Variants in JMY observed in about 807,000 individuals in gnomAD.
JMY encodes junction-mediating and -regulatory protein.
Under a neutral mutation model 103.3 loss-of-function variants are expected in JMY, and 46 were observed. That is an observed-to-expected ratio of 0.45 (90% confidence interval 0.35 to 0.57). The LOEUF is 0.57. Among genes scored for constraint, JMY ranks in the 20% least tolerant of loss-of-function variants. The pLI is 0.00. For synonymous variants in JMY, 526 were observed against 489.3 expected, an observed-to-expected ratio of 1.07 and a Z score of -0.99; for missense variants, 1,238 against 1,255.2, an observed-to-expected ratio of 0.99 and a Z score of 0.21.
intron 1 of JMY, among the ~76,000 whole-genome samples, chr5:79,262,812 G>T (rs2607141): frequency 0.47 from 71,300 of 151,992 alleles, 17,332 homozygotes; most frequent in African/African-American, 0.61. Context: ...AAAAAGCATG[G>T]TGGAAATAAT....
At chr5:79,317,560 T>G (rs1747277322) in intron 10 of JMY, among the ~76,000 whole-genome samples, 1 of 152,232 alleles carries the variant, frequency 6.6e-6, no homozygotes, top group Admixed American at 6.5e-5. Flanking sequence ...CATGTTCTAT[T>G]AATTATTATT....
At chr5:79,315,921 C>G (rs527544722) in intron 9 of JMY, 79 bp from the exon 10 acceptor site, 3 of 1,244,910 alleles carry the variant, frequency 2.4e-6, no homozygotes, top group Non-Finnish European at 3.4e-6. Context: ...TTCACAGTTG[C>G]GAACGGTAGA....
intron 1 of JMY, among the ~76,000 whole-genome samples, chr5:79,242,205 A>G (rs763982780): frequency 2.0e-4 from 30 of 151,822 alleles, no homozygotes; most frequent in Non-Finnish European, 3.7e-4. Flanking sequence ...AAGCCACATA[A>G]TAAATAGCCT....
chr5:79,325,045 T>G lies in JMY; in HGVS notation c.*3443T>G, dbSNP rs1314850226. The G allele has an allele frequency of 6.6e-6, 1 of 152,576 alleles. No homozygotes were observed. Among genetic ancestry groups the G allele is most frequent in the Non-Finnish European group, 1.5e-5 (1 of 68,012 alleles). 9.5% of individuals were successfully genotyped at this position (152,576 alleles called of 1,614,324 possible). On this transcript the variant is annotated 3_prime_UTR_variant, in exon 11 of 11. Transcript: ENST00000396137. Reference sequence around the variant, plus strand: ...GACACTAAGAATTAAAACTCTTAAATCAGTGAAACAAAAACTAATGGGCAG... The same window carrying G: ...GACACTAAGAATTAAAACTCTTAAAGCAGTGAAACAAAAACTAATGGGCAG...
At chr5:79,252,294 C>CTA (rs1013828768) in intron 1 of JMY, among the ~76,000 whole-genome samples, 1 of 137,148 alleles carries the variant, frequency 7.3e-6, no homozygotes, top group African/African-American at 2.7e-5. Flanking sequence ...TTAGTGATTT[C>CTA]TAGTTTATCT....
chr5:79,316,193 C>G lies in JMY; in HGVS notation c.2853C>G (p.Pro951=). Residue 951 remains proline, a synonymous_variant, in exon 10 of 11, where the codon CCC becomes CCG. Coordinates refer to ENST00000396137, the MANE Select transcript of JMY (RefSeq NM_152405.5). ...TGAGAGAATCCTTCACACTTCTACC[C>G]GATACAGACCCTCTAACACGGAGCA... ...DVLRESFTLL[P]DTDPLTRSIH... The G allele has an allele frequency of 6.2e-7, 1 of 1,613,954 alleles. No individual in the cohort carries two copies.
intron 1 of JMY, among the ~76,000 whole-genome samples, chr5:79,241,311 AT>A (rs1052643620): frequency 7.2e-5 from 11 of 152,332 alleles, no homozygotes; most frequent in African/African-American, 2.6e-4. Flanking sequence ...TAATTAGTGG[AT>A]AAAGGAAACT....
intron 1 of JMY, among the ~76,000 whole-genome samples, chr5:79,274,644 G>T (rs889080934): frequency 6.6e-6 from 1 of 152,162 alleles, no homozygotes; most frequent in African/African-American, 2.4e-5. Flanking sequence ...GACCTCAAGT[G>T]ATCTGCCTGC....
chr5:79,313,619 CTT>C (rs763562112), intron 8 of JMY, among the ~76,000 whole-genome samples: 1 of 152,074 alleles, frequency 6.6e-6, no homozygotes, highest in Non-Finnish European at 1.5e-5. Context: ...ACATAGGAAA[CTT>C]TTTGCATACC....
At position 79,237,233 on chromosome 5, in the gene JMY, G is replaced by T; in HGVS notation, c.583G>T (p.Val195Leu). 1.3e-6 allele frequency: 2 copies of T among 1,550,700 alleles called. No individual in the cohort carries two copies. The highest frequency in any genetic ancestry group is 1.7e-6 in the Non-Finnish European group (2 of 1,146,966). The change falls in exon 1 of 11, where the codon GTG (valine) becomes TTG (leucine). Residue 195 changes from valine (V) to leucine (L), a missense_variant. Val to Leu is a conservative substitution (Grantham distance 32, BLOSUM62 1). Coordinates refer to ENST00000396137, the MANE Select transcript of JMY (RefSeq NM_152405.5). ...TGGGACGGTCTCCGAGGAGATAGAG[G>T]TGCTGGAAATGGTGAAGGAGGACGA... is the stretch of plus-strand genomic sequence containing the variant. ...ASGTVSEEIEVLEMVKEDEAP... is the reference protein window; with the variant it reads ...ASGTVSEEIELLEMVKEDEAP...
At chr5:79,282,456 A>AT (rs1295743717) in intron 2 of JMY, among the ~76,000 whole-genome samples, 1 of 152,186 alleles carries the variant, frequency 6.6e-6, no homozygotes, top group Non-Finnish European at 1.5e-5. Flanking sequence ...AATAAACGTG[A>AT]TTTTTTAAAA....
Position 79,236,997 on chromosome 5 carries a change from C to A in JMY, c.347C>A (p.Pro116His). The A allele has an allele frequency of 6.8e-7, 1 of 1,475,564 alleles. No individual in the cohort carries two copies. Among genetic ancestry groups the A allele is most frequent in the Non-Finnish European group, 9.0e-7 (1 of 1,114,874 alleles). The allele number at this position is 1,475,564 out of a possible 1,614,324, so 91.4% of individuals were successfully genotyped here. A position where few individuals can be genotyped will look rare whatever the true frequency, so the allele number is the denominator to read the frequency against. ...RSSAWAEGGS[P>H]RSTRSLLGDP... ...TCGGCCTGGGCGGAGGGCGGCTCTC[C>A]TCGGAGCACTCGCAGCCTTCTGGGG... The change falls in exon 1 of 11, where the codon CCT (proline) becomes CAT (histidine). Residue 116 changes from proline to histidine, a missense_variant. By Grantham distance (77) the Pro-to-His change is moderately conservative. Transcript: ENST00000396137.
chr5:79,244,216 G>A (rs564340410), intron 1 of JMY, among the ~76,000 whole-genome samples: 36 of 152,078 alleles, frequency 2.4e-4, no homozygotes, highest in Non-Finnish European at 5.3e-4. Flanking sequence ...GGCCAGGCTG[G>A]TCTCGAACTC....
intron 8 of JMY, among the ~76,000 whole-genome samples, chr5:79,313,351 C>T (rs1747108720): frequency 6.6e-6 from 1 of 152,030 alleles, no homozygotes; most frequent in Admixed American, 6.6e-5. Context: ...CCAGGGAGGT[C>T]ATGGCTGCAG....
chr5:79,284,664 C>T, intron 2 of JMY: 1 of 1,579,246 alleles, frequency 6.3e-7, no homozygotes, highest in Non-Finnish European at 8.6e-7. Flanking sequence ...CAGTAATCAG[C>T]TTGAATTTTC....
Position 79,316,112 on chromosome 5 carries a change from T to C in JMY, c.2772T>C (p.Asn924=), listed in dbSNP as rs1747209329. 1 of 1,613,922 alleles carries C rather than the reference T, an allele frequency of 6.2e-7. No homozygotes were observed. Among genetic ancestry groups the C allele is most frequent in the Non-Finnish European group, 8.5e-7 (1 of 1,179,808 alleles). ...TTCCTGATGAAGATGATAGTAATAA[T>C]ATCTTGGCACAAATAAGGAAAGGGG... The part of the protein sequence containing the change: ...PPFPDEDDSN[N]ILAQIRKGVK... The change falls in exon 10 of 11, where the codon AAT becomes AAC. Residue 924 remains asparagine (N), a synonymous_variant. Coordinates refer to ENST00000396137, the MANE Select transcript of JMY (RefSeq NM_152405.5).
intron 2 of JMY, among the ~76,000 whole-genome samples, chr5:79,283,030 C>G (rs1234400972): frequency 3.3e-5 from 5 of 150,968 alleles, no homozygotes; most frequent in African/African-American, 1.2e-4. Context: ...GAGTTTCACT[C>G]TTGTTGCCCA....
intron 9 of JMY, 142 bp from the exon 10 acceptor site, chr5:79,315,858 T>C: frequency 1.4e-6 from 1 of 724,938 alleles, no homozygotes. Context: ...CTGATCACCT[T>C]CTGCACACAT....
rs372944440 is a variant in JMY, at chr5:79,314,870, A to G, written c.2659+19A>G. The G allele has an allele frequency of 8.5e-6, 13 of 1,532,076 alleles. No homozygotes were observed. Among genetic ancestry groups the G allele is most frequent in the Admixed American group, 4.2e-5 (2 of 47,124 alleles). The allele number at this position is 1,532,076 out of a possible 1,614,324, so 94.9% of individuals were successfully genotyped here. ...AGGAGAGGTACGTCAACATATTTTC[A>G]TGGTCCATCTGTTGTATGACATCAG... On this transcript the variant is annotated intron_variant, in intron 9 of 10. Coordinates refer to ENST00000396137, the MANE Select transcript of JMY (RefSeq NM_152405.5).
Sources: allele counts gnomAD v4.1 joint callset (sites outside exome capture counted in the v4.1 genomes callset), GRCh38; gene constraint gnomAD v4.1.1; transcripts MANE v1.5; gene names NCBI Gene and HGNC (gene_info 2026-07-23, HGNC 2026-07-21).